Variants in PHIP observed in about 807,000 individuals in gnomAD.
The protein encoded by PHIP is PH-interacting protein.
PHIP carries 54 observed loss-of-function variants against 236.8 expected under a neutral mutation model. The ratio of observed to expected loss-of-function variants is 0.23; its 90% CI spans 0.18 to 0.29. The LOEUF (loss-of-function observed/expected upper bound fraction) is 0.29. Ranked by LOEUF, PHIP falls within the 10% of genes least tolerant of loss-of-function variation. The pLI is 1.00. For missense variants in PHIP, 1,370 were observed against 2,190.8 expected, an observed-to-expected ratio of 0.63 and a Z score of 7.48; for synonymous variants, 756 against 718.9, an observed-to-expected ratio of 1.05 and a Z score of -0.83.
chr6:78,954,360 C>T (rs1318659131), intron 35 of PHIP, among the ~76,000 whole-genome samples: 1 of 152,072 alleles, frequency 6.6e-6, no homozygotes, highest in Non-Finnish European at 1.5e-5. Context: ...CCTGCCTCGG[C>T]CTCCCAAAGT....
At chr6:79,059,671 G>A (rs2127771738) in intron 6 of PHIP, among the ~76,000 whole-genome samples, 1 of 139,072 alleles carries the variant, frequency 7.2e-6, no homozygotes, top group South Asian at 2.3e-4. Context: ...TGTATAATAA[G>A]TATCCAGAAA....
At chr6:79,043,156 G>A (rs946864612) in intron 6 of PHIP, among the ~76,000 whole-genome samples, 153 bp from the exon 7 acceptor site, 2 of 152,088 alleles carry the variant, frequency 1.3e-5, no homozygotes, top group Non-Finnish European at 2.9e-5. Context: ...AGTCTTTAAA[G>A]TAATGAATAA....
At chr6:79,065,253 T>C (rs1773567947) in intron 4 of PHIP, among the ~76,000 whole-genome samples, 1 of 152,196 alleles carries the variant, frequency 6.6e-6, no homozygotes, top group Non-Finnish European at 1.5e-5. Flanking sequence ...AAAATACATA[T>C]TGGATCAAGT....
At chr6:78,990,742 A>C in intron 20 of PHIP, 126 bp downstream of exon 20, 1 of 511,070 alleles carries the variant, frequency 2.0e-6, no homozygotes, top group Non-Finnish European at 3.4e-6. Context: ...GAGATAACCA[A>C]GATTTACTAT....
At chr6:78,983,485 C>G (rs979064427) in intron 22 of PHIP, among the ~76,000 whole-genome samples, 14 of 152,152 alleles carry the variant, frequency 9.2e-5, no homozygotes, top group Non-Finnish European at 1.6e-4. Context: ...CTATTGACAG[C>G]AAAAAGATAA....
intron 19 of PHIP, among the ~76,000 whole-genome samples, chr6:78,991,429 G>T (rs887214675): frequency 1.3e-5 from 2 of 151,278 alleles, no homozygotes; most frequent in African/African-American, 2.4e-5. Flanking sequence ...AGCCCTGAAA[G>T]AACTACACTC....
intron 4 of PHIP, among the ~76,000 whole-genome samples, chr6:79,068,502 C>T (rs539222807): frequency 1.3e-5 from 2 of 152,202 alleles, no homozygotes; most frequent in East Asian, 3.9e-4. Context: ...CACGAAATCT[C>T]AAGTCACACA....
rs371554043 is a variant in PHIP at position 78,943,703 on chromosome 6, T to C, written c.4828+1597A>G. On this transcript the variant is annotated intron_variant, in intron 39 of 39. Coordinates refer to ENST00000275034, the MANE Select transcript of PHIP (RefSeq NM_017934.7). ...TTCTGGGACATAAAGATGGAAGTGC[T>C]TGGCTGGGCGTGGTGGCTCACATCT... Among the ~76,000 whole-genome samples, 8 of 152,192 alleles carry C rather than the reference T, an allele frequency of 5.3e-5. No individual in the cohort carries two copies. The East Asian group carries it at 1.4e-3, about 26-fold the overall frequency.
At chr6:79,036,035 T>C (rs1771913841) in intron 7 of PHIP, among the ~76,000 whole-genome samples, 1 of 152,178 alleles carries the variant, frequency 6.6e-6, no homozygotes, top group Non-Finnish European at 1.5e-5. Flanking sequence ...GTAAGGAATA[T>C]AAGCATACTA....
chr6:79,027,327 A>C (rs1173280275), intron 7 of PHIP, among the ~76,000 whole-genome samples: 1 of 152,164 alleles, frequency 6.6e-6, no homozygotes, highest in Non-Finnish European at 1.5e-5. Context: ...CTTTGGAGTA[A>C]AATAAATGGG....
intron 7 of PHIP, among the ~76,000 whole-genome samples, chr6:79,034,744 T>A (rs535211060): frequency 6.6e-6 from 1 of 152,114 alleles, no homozygotes; most frequent in Non-Finnish European, 1.5e-5. Context: ...AACTATGAAG[T>A]AGACAATTAG....
At chr6:78,999,384 T>C (rs1019065541) in intron 17 of PHIP, among the ~76,000 whole-genome samples, 12 of 152,134 alleles carry the variant, frequency 7.9e-5, no homozygotes, top group Non-Finnish European at 1.6e-4. Context: ...TTCCAATTAC[T>C]TCTGAAAGAA....
At chr6:79,057,654 TA>T (rs1050872450) in intron 6 of PHIP, among the ~76,000 whole-genome samples, 1 of 152,104 alleles carries the variant, frequency 6.6e-6, no homozygotes, top group Non-Finnish European at 1.5e-5. Context: ...TGATACTTGG[TA>T]ATACCACACT....
chr6:78,938,975 T>C lies in PHIP; in HGVS notation c.*1718A>G, dbSNP rs539449292. The C allele has an allele frequency of 1.3e-5, 2 of 151,874 alleles. No homozygotes were observed. Among genetic ancestry groups the C allele is most frequent in the Admixed American group, 1.3e-4 (2 of 15,262 alleles). The allele number at this position is 151,874 out of a possible 1,614,324, so 9.4% of individuals were successfully genotyped here. On this transcript the variant is annotated 3_prime_UTR_variant, in exon 40 of 40. Coordinates refer to ENST00000275034, the MANE Select transcript of PHIP (RefSeq NM_017934.7). ...TTATTTTTCTACATCAGGGTCATGC[T>C]GATACATATTTTCCCCATCCTCACT...
At chr6:79,009,871 T>C (rs1421399956) in intron 15 of PHIP, among the ~76,000 whole-genome samples, 7 of 149,978 alleles carry the variant, frequency 4.7e-5, no homozygotes, top group African/African-American at 1.5e-4. Context: ...AAGATATATA[T>C]ATATAAGAGA....
At chr6:78,982,830 T>C (rs1768626844) in intron 23 of PHIP, 56 bp downstream of exon 23, 3 of 1,011,226 alleles carry the variant, frequency 3.0e-6, no homozygotes, top group African/African-American at 1.6e-5. Context: ...CTTCAAGATG[T>C]GTGCTTTAAA....
In PHIP at chr6:79,078,097, G is replaced by C. The variant is rs769907357; in HGVS notation, c.-29C>G. 2.5e-6 allele frequency: 4 copies of C among 1,604,916 alleles called. No homozygotes were observed. Among genetic ancestry groups the C allele is most frequent in the Middle Eastern group, 2.3e-4 (1 of 4,424 alleles). ...TATGGGTCACTTCAGGGCCGCCGAC[G>C]GGACACCCCGCCGCCGAGGGGAAGC... On this transcript the variant is annotated 5_prime_UTR_variant, in exon 1 of 40. Transcript: ENST00000275034.
intron 7 of PHIP, among the ~76,000 whole-genome samples, chr6:79,036,625 T>C (rs1398720108): frequency 6.6e-6 from 1 of 152,050 alleles, no homozygotes. Flanking sequence ...TTCTGAACCA[T>C]TTAAAAGCAA....
chr6:78,953,039 G>T (rs1766158703), intron 35 of PHIP, among the ~76,000 whole-genome samples: 2 of 148,862 alleles, frequency 1.3e-5, no homozygotes, highest in Admixed American at 6.6e-5. Context: ...TTATATAGGT[G>T]TTGTTTTTTT....
Sources: gnomAD v4.1 joint callset for allele counts (sites outside exome capture counted in the v4.1 genomes callset) on GRCh38, gnomAD v4.1.1 for gene constraint, MANE v1.5 for transcripts, NCBI Gene and HGNC (gene_info 2026-07-23, HGNC 2026-07-21) for gene names.